Variants in EPHA6 observed in about 807,000 individuals in gnomAD.
EPHA6 encodes the protein EPH receptor A6.
EPHA6 carries 50 observed loss-of-function variants against 112.0 expected under a neutral mutation model. The ratio of observed to expected loss-of-function variants is 0.45; its 90% CI spans 0.36 to 0.56. The LOEUF is 0.56. Among genes scored for constraint, EPHA6 ranks in the 20% least tolerant of loss-of-function variants. The probability of loss-of-function intolerance (pLI) is 0.00; values close to 1 mark genes in which losing one functional copy is unlikely to be tolerated. For synonymous variants in EPHA6, 529 were observed against 490.7 expected (o/e 1.08, Z -1.03); for missense variants, 1,280 against 1,417.4 (o/e 0.90, Z 1.56).
chr3:97,420,561 G>C (rs1183500458), intron 6 of EPHA6, among the ~76,000 whole-genome samples: 1 of 152,024 alleles, frequency 6.6e-6, no homozygotes, highest in East Asian at 1.9e-4. Context: ...GATAAAAACT[G>C]TTCCCAACAC....
At chr3:96,976,191 G>T (rs2042514903) in intron 2 of EPHA6, among the ~76,000 whole-genome samples, 1 of 152,076 alleles carries the variant, frequency 6.6e-6, no homozygotes, top group Non-Finnish European at 1.5e-5. Context: ...AACTAAAGTT[G>T]TCTAAAAGTG....
chr3:97,078,949 G>A (rs1412166208), intron 3 of EPHA6, among the ~76,000 whole-genome samples: 1 of 152,198 alleles, frequency 6.6e-6, no homozygotes, highest in Non-Finnish European at 1.5e-5. Flanking sequence ...TGAAGACAGT[G>A]TGGCGATTCC....
At chr3:96,841,443 C>G (rs764602597) in intron 1 of EPHA6, among the ~76,000 whole-genome samples, 1 of 152,004 alleles carries the variant, frequency 6.6e-6, no homozygotes, top group South Asian at 2.1e-4. Flanking sequence ...TTTCCAAACA[C>G]GTGTTAGGAT....
At chr3:97,506,421 AC>A (rs1400954568) in intron 10 of EPHA6, among the ~76,000 whole-genome samples, 16 of 152,164 alleles carry the variant, frequency 1.1e-4, no homozygotes, top group African/African-American at 3.9e-4. Context: ...TTTTCCCAAC[AC>A]CATTTATTAA....
chr3:97,738,463 A>T (rs1245707135), intron 16 of EPHA6, among the ~76,000 whole-genome samples: 1 of 152,122 alleles, frequency 6.6e-6, no homozygotes, highest in Non-Finnish European at 1.5e-5. Flanking sequence ...CTTTTTGAAG[A>T]AAAGCAGATA....
chr3:97,147,659 A>G (rs911137640), intron 3 of EPHA6, among the ~76,000 whole-genome samples: 2 of 152,142 alleles, frequency 1.3e-5, no homozygotes, highest in African/African-American at 4.8e-5. Context: ...AGGAAAAACT[A>G]TAAAAACATT....
intron 3 of EPHA6, among the ~76,000 whole-genome samples, chr3:97,018,957 G>A (rs2044359545): frequency 6.6e-6 from 1 of 152,150 alleles, no homozygotes; most frequent in Admixed American, 6.5e-5. Context: ...GCCCTGTCTG[G>A]GCATAACAGA....
Position 97,475,378 on chromosome 3 carries a change from C to A in EPHA6, c.1921C>A (p.Gln641Lys), listed in dbSNP as rs757925798. ...TTCTGACATGGCAGCAGAACAAGGACAGATTCTCGTGATAGCCACCGCCGC... is the reference window on the plus strand; with the variant it reads ...TTCTGACATGGCAGCAGAACAAGGAAAGATTCTCGTGATAGCCACCGCCGC... ...ETSDMAAEQGQILVIATAAVG... is the reference protein window; with the variant it reads ...ETSDMAAEQGKILVIATAAVG... Residue 641 changes from glutamine to lysine, a missense_variant, in exon 8 of 18, where the codon CAG (glutamine) becomes AAG (lysine). Physicochemically the swap from Gln to Lys is moderately conservative, Grantham distance 53 (BLOSUM62 1). This residue lies in a region of EPHA6 where 878 missense variants were observed against 999.7 expected (regional missense o/e 0.88). Transcript: ENST00000389672. 1 of 1,611,874 alleles carries A rather than the reference C, an allele frequency of 6.2e-7. No homozygotes were observed. The highest frequency in any genetic ancestry group is 2.2e-5 in the East Asian group (1 of 44,848).
intron 4 of EPHA6, among the ~76,000 whole-genome samples, chr3:97,235,081 C>A (rs1018613532): frequency 1.3e-5 from 2 of 152,096 alleles, no homozygotes; most frequent in East Asian, 3.9e-4. Flanking sequence ...GCTTTTAGGG[C>A]AGGCATTTCC....
At chr3:97,519,500 G>GT (rs1323426934) in intron 10 of EPHA6, among the ~76,000 whole-genome samples, 2 of 152,088 alleles carry the variant, frequency 1.3e-5, no homozygotes, top group Non-Finnish European at 2.9e-5. Flanking sequence ...TTGTAAAGCT[G>GT]TTTTTTCTAT....
At chr3:97,633,872 A>G (rs1381384312) in intron 13 of EPHA6, among the ~76,000 whole-genome samples, 1 of 152,122 alleles carries the variant, frequency 6.6e-6, no homozygotes, top group Non-Finnish European at 1.5e-5. Context: ...TTTGTGCTAT[A>G]CCTCATGTAT....
intron 7 of EPHA6, among the ~76,000 whole-genome samples, chr3:97,462,335 T>A (rs543816714): frequency 1.3e-5 from 2 of 152,246 alleles, no homozygotes; most frequent in South Asian, 2.1e-4. Context: ...TCAGTATGAT[T>A]TTTTGGACCA....
intron 1 of EPHA6, among the ~76,000 whole-genome samples, chr3:96,863,376 C>T (rs1344637902): frequency 6.6e-6 from 1 of 151,794 alleles, no homozygotes; most frequent in Non-Finnish European, 1.5e-5. Flanking sequence ...GCCTGAAAAA[C>T]CTGAATTTGT....
chr3:97,299,485 AT>A (rs952440254), intron 5 of EPHA6, among the ~76,000 whole-genome samples: 4 of 152,136 alleles, frequency 2.6e-5, no homozygotes, highest in Admixed American at 2.6e-4. Flanking sequence ...AGTTGGAAAG[AT>A]TTTTTCATGT....
intron 15 of EPHA6, among the ~76,000 whole-genome samples, chr3:97,732,529 C>T (rs1172430843): frequency 2.0e-5 from 3 of 151,950 alleles, no homozygotes; most frequent in Non-Finnish European, 4.4e-5. Context: ...AATATCTATC[C>T]GTTTGGATGA....
intron 15 of EPHA6, among the ~76,000 whole-genome samples, chr3:97,725,934 C>A (rs776272159): frequency 6.6e-5 from 10 of 151,996 alleles, no homozygotes; most frequent in Non-Finnish European, 1.2e-4. Flanking sequence ...TTTAAGCTTT[C>A]TGAGATACTG....
At chr3:97,048,644 G>A (rs1251810921) in intron 3 of EPHA6, among the ~76,000 whole-genome samples, 1 of 151,936 alleles carries the variant, frequency 6.6e-6, no homozygotes, top group African/African-American at 2.4e-5. Context: ...AAACCACAGG[G>A]GTCATTAGAT....
intron 10 of EPHA6, among the ~76,000 whole-genome samples, chr3:97,486,472 GT>G (rs1030949538): frequency 6.6e-6 from 1 of 152,214 alleles, no homozygotes; most frequent in African/African-American, 2.4e-5. Context: ...AATGAACAGA[GT>G]TTTTAGGCTC....
intron 5 of EPHA6, among the ~76,000 whole-genome samples, chr3:97,326,519 G>T (rs2082430442): frequency 6.6e-6 from 1 of 152,014 alleles, no homozygotes; most frequent in Non-Finnish European, 1.5e-5. Flanking sequence ...CATCTTCAGA[G>T]ATTTAACTAC....
Sources: gnomAD v4.1 joint callset for allele counts (sites outside exome capture counted in the v4.1 genomes callset) on GRCh38, gnomAD v4.1.1 for gene constraint, gnomAD v4.1.1 regional missense constraint, MANE v1.5 for transcripts, NCBI Gene and HGNC (gene_info 2026-07-23, HGNC 2026-07-21) for gene names.